The following CMKLR1 variants were observed in gnomAD, a reference collection of about 807,000 sequenced individuals.
The protein encoded by CMKLR1 is chemerin-like receptor 1.
A neutral mutation model predicts 8.2 loss-of-function variants in CMKLR1; 6 were observed. The observed-to-expected ratio is 0.73, with a 90% CI of 0.40 to 1.44. The LOEUF (loss-of-function observed/expected upper bound fraction) is 1.44, where lower values mean the gene tolerates loss of function less well. Among genes scored for constraint, CMKLR1 ranks in the 40% most tolerant of loss-of-function variants. The pLI, the probability that CMKLR1 is intolerant of heterozygous loss-of-function variation, is 0.02. For synonymous variants in CMKLR1, 178 were observed against 181.2 expected (o/e 0.98, Z 0.14); for missense variants, 429 against 478.0 (o/e 0.90, Z 0.96).
chr12:108,308,514 G>A (rs1457723491), intron 2 of CMKLR1, among the ~76,000 whole-genome samples: 1 of 152,172 alleles, frequency 6.6e-6, no homozygotes, highest in African/African-American at 2.4e-5. Flanking sequence ...TCCTTCTGGA[G>A]ACTTCCTGCC....
intron 1 of CMKLR1, among the ~76,000 whole-genome samples, chr12:108,335,017 A>G (rs1242239485): frequency 6.6e-6 from 1 of 152,176 alleles, no homozygotes; most frequent in Non-Finnish European, 1.5e-5. Flanking sequence ...TTTACTTAGT[A>G]TATTTGATGG....
chr12:108,322,681 T>C (rs1891890065), intron 2 of CMKLR1, among the ~76,000 whole-genome samples: 1 of 152,010 alleles, frequency 6.6e-6, no homozygotes, highest in African/African-American at 2.4e-5. Context: ...CCTCTCTCCC[T>C]CCTCTCCTCA....
intron 2 of CMKLR1, among the ~76,000 whole-genome samples, chr12:108,317,273 G>C (rs1891757759): frequency 6.6e-6 from 1 of 152,220 alleles, no homozygotes; most frequent in South Asian, 2.1e-4. Context: ...ATGTGCTCTA[G>C]AGGTTCTCTT....
intron 1 of CMKLR1, among the ~76,000 whole-genome samples, chr12:108,338,131 T>C (rs1892273943): frequency 1.3e-5 from 2 of 152,230 alleles, no homozygotes; most frequent in South Asian, 4.1e-4. Context: ...GTTGTAATGC[T>C]TATAATTTTG....
chr12:108,302,025 C>T (rs565191289), intron 2 of CMKLR1, among the ~76,000 whole-genome samples: 1 of 152,172 alleles, frequency 6.6e-6, no homozygotes, highest in Non-Finnish European at 1.5e-5. Context: ...AAAAGGATTG[C>T]TATCTAGCGT....
intron 2 of CMKLR1, among the ~76,000 whole-genome samples, chr12:108,302,620 C>T (rs1317000562): frequency 1.3e-5 from 2 of 152,158 alleles, no homozygotes; most frequent in Non-Finnish European, 1.5e-5. Context: ...CATGCCTCCG[C>T]CCTGTCCTGG....
Position 108,292,188 on chromosome 12 carries a change from A to AG in CMKLR1, c.774dup (p.Phe259LeufsTer82). The AG allele has an allele frequency of 2.5e-6, 4 of 1,614,156 alleles. No individual in the cohort carries two copies. Among genetic ancestry groups the AG allele is most frequent in the Non-Finnish European group, 3.4e-6 (4 of 1,180,010 alleles). Reference sequence around the variant, plus strand: ...ATGATGATGGTCACAATAATCTTGAAGGGCTTCTTGGTCTTGGCCAGGCGG... The same window carrying AG: ...ATGATGATGGTCACAATAATCTTGAAGGGGCTTCTTGGTCTTGGCCAGGCGG... On this transcript the variant is annotated frameshift_variant, in exon 4 of 4. Coordinates refer to ENST00000550402, the MANE Select transcript of CMKLR1 (RefSeq NM_001142343.2). LOFTEE classifies it high-confidence loss of function.
chr12:108,324,615 A>C (rs1891940025), intron 2 of CMKLR1, among the ~76,000 whole-genome samples: 1 of 152,212 alleles, frequency 6.6e-6, no homozygotes, highest in South Asian at 2.1e-4. Context: ...CTATTATGGC[A>C]CTGAATGCAA....
intron 2 of CMKLR1, among the ~76,000 whole-genome samples, chr12:108,299,068 CTGT>C (rs1363249891): frequency 6.6e-6 from 1 of 152,248 alleles, no homozygotes; most frequent in Non-Finnish European, 1.5e-5. Flanking sequence ...ACCCCGCATG[CTGT>C]GCAGGACTAG....
At chr12:108,303,504 A>G (rs1341046830) in intron 2 of CMKLR1, among the ~76,000 whole-genome samples, 1 of 152,232 alleles carries the variant, frequency 6.6e-6, no homozygotes, top group Non-Finnish European at 1.5e-5. Context: ...AAGGTAACTA[A>G]CGTGCCCAAG....
In CMKLR1 at chr12:108,292,311, T is replaced by C; in HGVS notation, c.652A>G (p.Met218Val). The C allele has an allele frequency of 6.2e-7, 1 of 1,614,124 alleles. No homozygotes were observed. The highest frequency in any genetic ancestry group is 8.5e-7 in the Non-Finnish European group (1 of 1,180,026). The change falls in exon 4 of 4, where the codon ATG (methionine) becomes GTG (valine). Residue 218 changes from methionine to valine, a missense_variant. Coordinates refer to ENST00000550402, the MANE Select transcript of CMKLR1 (RefSeq NM_001142343.2). ...QMDPVGYSRHMVVTVTRFLCG... is the reference protein window; with the variant it reads ...QMDPVGYSRHVVVTVTRFLCG... ...AGGAAGCGGGTGACAGTCACCACCA[T>C]GTGCCGGCTATACCCCACAGGGTCC...
chr12:108,309,180 G>T (rs1444147444), intron 2 of CMKLR1, among the ~76,000 whole-genome samples: 1 of 152,178 alleles, frequency 6.6e-6, no homozygotes, highest in South Asian at 2.1e-4. Context: ...AGCATGCCTG[G>T]TTCATCGGAA....
At chr12:108,304,950 G>A (rs1192179947) in intron 2 of CMKLR1, among the ~76,000 whole-genome samples, 2 of 152,180 alleles carry the variant, frequency 1.3e-5, no homozygotes, top group South Asian at 2.1e-4. Flanking sequence ...AACATTCCTC[G>A]CTCTGCAAAT....
Position 108,292,025 on chromosome 12 carries a change from G to C in CMKLR1, c.938C>G (p.Pro313Arg), listed in dbSNP as rs1890986322. 6.2e-7 allele frequency: 1 copy of C among 1,614,050 alleles called. No homozygotes were observed. Among genetic ancestry groups the C allele is most frequent in the Non-Finnish European group, 8.5e-7 (1 of 1,180,038 alleles). ...ALAIANSCMNPILYVFMGQDF... is the reference protein window; with the variant it reads ...ALAIANSCMNRILYVFMGQDF... Reference sequence around the variant, plus strand: ...CTGACCCATGAAAACATACAGAATGGGGTTCATGCAGCTGTTGGCAATGGC... The same window carrying C: ...CTGACCCATGAAAACATACAGAATGCGGTTCATGCAGCTGTTGGCAATGGC... The change falls in exon 4 of 4, where the codon CCC becomes CGC. Residue 313 changes from proline (P) to arginine (R), a missense_variant. Pro to Arg is a moderately radical substitution (Grantham distance 103). Transcript: ENST00000550402.
At chr12:108,315,356 A>T (rs1275061754) in intron 2 of CMKLR1, among the ~76,000 whole-genome samples, 1 of 152,108 alleles carries the variant, frequency 6.6e-6, no homozygotes, top group African/African-American at 2.4e-5. Context: ...GTGACCCTCC[A>T]TCCTGGCTTG....
At chr12:108,326,198 A>G (rs967358652) in intron 2 of CMKLR1, among the ~76,000 whole-genome samples, 2 of 152,192 alleles carry the variant, frequency 1.3e-5, no homozygotes, top group African/African-American at 4.8e-5. Context: ...AACTTCTCCT[A>G]TGAAATTGAC....
intron 2 of CMKLR1, among the ~76,000 whole-genome samples, chr12:108,306,578 T>C (rs960383271): frequency 6.6e-6 from 1 of 152,194 alleles, no homozygotes; most frequent in African/African-American, 2.4e-5. Flanking sequence ...CCTAACTGGT[T>C]AGAAACCTAT....
intron 2 of CMKLR1, among the ~76,000 whole-genome samples, chr12:108,313,174 CT>C (rs1375950009): frequency 6.6e-6 from 1 of 152,158 alleles, no homozygotes; most frequent in Non-Finnish European, 1.5e-5. Context: ...GCTGCCCTTC[CT>C]TTTGACCCTG....
chr12:108,313,102 G>A (rs370994135), intron 2 of CMKLR1, among the ~76,000 whole-genome samples: 4 of 152,138 alleles, frequency 2.6e-5, no homozygotes, highest in African/African-American at 4.8e-5. Context: ...ACCACTGCCA[G>A]CAATCAGGAC....
Sources: allele counts gnomAD v4.1 joint callset (sites outside exome capture counted in the v4.1 genomes callset), GRCh38; gene constraint gnomAD v4.1.1; transcripts MANE v1.5; gene names NCBI Gene and HGNC (gene_info 2026-07-23, HGNC 2026-07-21).